FRMD8: variants seen among roughly 807,000 people sequenced by gnomAD.
FRMD8 encodes the protein FERM domain containing 8, also known as FERM domain-containing protein 8.
In FRMD8, 37 loss-of-function variants were observed where a neutral mutation model predicts 54.2. The observed-to-expected ratio is 0.68, with a 90% confidence interval of 0.53 to 0.90. The LOEUF (loss-of-function observed/expected upper bound fraction) is 0.90, where lower values mean the gene tolerates loss of function less well. Among genes scored for constraint, FRMD8 ranks in the 40% least tolerant of loss-of-function variants. FRMD8 has a pLI of 0.00. For missense variants in FRMD8, 585 were observed against 653.7 expected (o/e 0.89, Z 1.15); for synonymous variants, 246 against 286.9 (o/e 0.86, Z 1.44).
At chr11:65,394,923 A>G (rs1298993781) in intron 6 of FRMD8, among the ~76,000 whole-genome samples, 1 of 152,226 alleles carries the variant, frequency 6.6e-6, no homozygotes, top group Non-Finnish European at 1.5e-5. Context: ...TCTGGTCTCC[A>G]TGGAGGATTA....
chr11:65,399,799 C>T lies in FRMD8; in HGVS notation c.867C>T (p.Arg289=), dbSNP rs1043419194. The T allele has an allele frequency of 6.2e-7, 1 of 1,614,030 alleles. No homozygotes were observed. Among genetic ancestry groups the T allele is most frequent in the Non-Finnish European group, 8.5e-7 (1 of 1,179,948 alleles). Residue 289 remains arginine, a synonymous_variant, in exon 8 of 11, where the codon CGC becomes CGT. Coordinates refer to ENST00000317568, the MANE Select transcript of FRMD8 (RefSeq NM_031904.5). The stretch of plus-strand genomic sequence containing the variant: ...AAGGCTTTTTGCACCGGGGTGGGCG[C>T]AAGCCAGTTTCTGTGGCCATCAGTC... ...PAQGFLHRGG[R]KPVSVAISLE... is the part of the protein sequence containing the mutation.
chr11:65,376,922 C>G, the FRMD8 span: 1 of 1,613,404 alleles, frequency 6.2e-7, no homozygotes, highest in Non-Finnish European at 8.5e-7. Flanking sequence ...CCAGGCTCCT[C>G]GGAACAGCCC....
intron 2 of FRMD8, 168 bp downstream of exon 2, chr11:65,387,289 A>G (rs1855753149): frequency 1.4e-6 from 1 of 723,662 alleles, no homozygotes; most frequent in Non-Finnish European, 2.5e-6. Context: ...CTCTGTCACT[A>G]GTTTACTGGC....
intron 10 of FRMD8, among the ~76,000 whole-genome samples, chr11:65,406,812 G>A (rs987529185): frequency 2.6e-5 from 4 of 151,882 alleles, no homozygotes; most frequent in Non-Finnish European, 5.9e-5. Flanking sequence ...GGTGGTGGTC[G>A]CCTGTAGTCC....
At position 65,393,567 on chromosome 11, in the gene FRMD8, C is replaced by T. The variant is rs1449936242; in HGVS notation, c.254-6C>T. 8.7e-6 allele frequency: 14 copies of T among 1,606,646 alleles called. No homozygotes were observed. The highest frequency in any genetic ancestry group is 1.1e-5 in the Non-Finnish European group (13 of 1,179,232). ...TGCATGGGCCACTCCCCATCTCGTCCTGCAGAGGTGCAGCTGAAACCCAAG... is the reference window on the plus strand; with the variant it reads ...TGCATGGGCCACTCCCCATCTCGTCTTGCAGAGGTGCAGCTGAAACCCAAG... On this transcript the variant is annotated splice_region_variant and splice_polypyrimidine_tract_variant and intron_variant, in intron 3 of 10. Coordinates refer to ENST00000317568, the MANE Select transcript of FRMD8 (RefSeq NM_031904.5).
the FRMD8 span, chr11:65,377,068 A>C: frequency 6.2e-7 from 1 of 1,613,372 alleles, no homozygotes. Flanking sequence ...AAGGAGCCAG[A>C]CAGTAGGCCT....
Position 65,411,358 on chromosome 11 carries a change from T to G in FRMD8, c.1393T>G (p.Ter465GlyextTer134). Residue 465 changes from the stop codon to glycine, a stop_lost, in exon 11 of 11, where the codon TGA becomes GGA. Transcript: ENST00000317568. Reference sequence around the variant, plus strand: ...GCCCGGCGACAGCCTGGAGCAGGGCTGAGGACGCTGCACCCGGCAGGAGGA... The same window carrying G: ...GCCCGGCGACAGCCTGGAGCAGGGCGGAGGACGCTGCACCCGGCAGGAGGA... ...VQPGDSLEQG[*>G] is the part of the protein sequence containing the mutation. 6.3e-7 allele frequency: 1 copy of G among 1,579,684 alleles called. No homozygotes were observed. Among genetic ancestry groups the G allele is most frequent in the Non-Finnish European group, 8.6e-7 (1 of 1,161,394 alleles).
chr11:65,372,805 C>T, the FRMD8 span, among the ~76,000 whole-genome samples: 1 of 152,204 alleles, frequency 6.6e-6, no homozygotes, highest in Non-Finnish European at 1.5e-5. Context: ...GAGCCCACCT[C>T]CTCCTCCTCA....
At chr11:65,385,795 T>C (rs1304964697), upstream of FRMD8, among the ~76,000 whole-genome samples, 2 of 150,922 alleles carry the variant, frequency 1.3e-5, no homozygotes, top group Non-Finnish European at 2.9e-5. Context: ...GACATATATA[T>C]ATAAATTTTT....
chr11:65,390,853 C>T (rs1186795876), intron 3 of FRMD8, among the ~76,000 whole-genome samples: 1 of 152,284 alleles, frequency 6.6e-6, no homozygotes, highest in Non-Finnish European at 1.5e-5. Flanking sequence ...CACATTCCGG[C>T]TCTCCCACGG....
intron 2 of FRMD8, among the ~76,000 whole-genome samples, chr11:65,388,013 A>G (rs1325249324): frequency 6.6e-6 from 1 of 152,092 alleles, no homozygotes; most frequent in African/African-American, 2.4e-5. Flanking sequence ...TAAAAATGCA[A>G]ATTAGCTGGG....
At chr11:65,374,625 G>A in the FRMD8 span, among the ~76,000 whole-genome samples, 3 of 152,218 alleles carry the variant, frequency 2.0e-5, no homozygotes, top group Admixed American at 6.5e-5. Flanking sequence ...CAATTTTGTT[G>A]TCAGTTAAAA....
intron 7 of FRMD8, 117 bp from the exon 8 acceptor site, chr11:65,399,619 G>A: frequency 8.0e-7 from 1 of 1,242,304 alleles, no homozygotes; most frequent in Non-Finnish European, 1.1e-6. Flanking sequence ...CCCTTCCCTG[G>A]GGCGGGTTTC....
intron 10 of FRMD8, among the ~76,000 whole-genome samples, chr11:65,406,011 AT>A (rs953734545): frequency 1.2e-4 from 18 of 150,320 alleles, no homozygotes; most frequent in African/African-American, 2.7e-4. Context: ...ATATATATAT[AT>A]TTTTTTTAAT....
rs541087302 is a variant in FRMD8, at chr11:65,404,058, C to T, written c.1072-806C>T. Among the ~76,000 whole-genome samples the T allele has an allele frequency of 2.4e-3, 373 of 152,274 alleles. 1 individual carries two copies. The highest frequency in any genetic ancestry group is 4.0e-3 in the Non-Finnish European group (273 of 67,990). On this transcript the variant is annotated intron_variant, in intron 9 of 10. Transcript: ENST00000317568. This position sits in a 1 kb window ranked among gnomAD's most constrained non-coding sequence, Gnocchi z 4.7. ...TTCCTTCTGGGCCGAGCAGCGGTGC[C>T]CACCTGCCCAGCCCAGAGGGATTGT...
chr11:65,401,079 C>T lies in FRMD8; in HGVS notation c.1071+212C>T, dbSNP rs569990555. Among the ~76,000 whole-genome samples, 25 of 152,176 alleles carry T rather than the reference C, an allele frequency of 1.6e-4. No homozygotes were observed. The East Asian group carries it at 2.5e-3, about 15-fold the overall frequency. ...GAGGCCTGGTCTGCAGACTCCACGC[C>T]GGTGGTGGTGGCAGCTGTGGGGTTC... On this transcript the variant is annotated intron_variant, in intron 9 of 10. Transcript: ENST00000317568.
intron 10 of FRMD8, among the ~76,000 whole-genome samples, chr11:65,405,269 A>G (rs562312228): frequency 2.6e-5 from 4 of 152,240 alleles, no homozygotes; most frequent in Admixed American, 6.5e-5. Flanking sequence ...GCTGCGTCAC[A>G]GACGTTCTGC....
chr11:65,377,159 G>A, the FRMD8 span: 4 of 1,507,858 alleles, frequency 2.7e-6, no homozygotes, highest in African/African-American at 4.2e-5. Flanking sequence ...GAAGGAGGCA[G>A]GCAGGGGGCC....
At chr11:65,394,609 C>T (rs1855911654) in intron 6 of FRMD8, among the ~76,000 whole-genome samples, 184 bp downstream of exon 6, 1 of 152,228 alleles carries the variant, frequency 6.6e-6, no homozygotes, top group Non-Finnish European at 1.5e-5. Context: ...TTTTCCTCAC[C>T]TGTCCTGGGC....
Sources: gnomAD v4.1 joint callset for allele counts (sites outside exome capture counted in the v4.1 genomes callset) on GRCh38, gnomAD v4.1.1 for gene constraint, Gnocchi (gnomAD v3.1) non-coding constraint, MANE v1.5 for transcripts, NCBI Gene and HGNC (gene_info 2026-07-23, HGNC 2026-07-21) for gene names.